Variants in AMACR observed in about 807,000 individuals in gnomAD.
AMACR encodes 2-methylacyl-CoA racemase.
Under a neutral mutation model 22.2 loss-of-function variants are expected in AMACR, and 18 were observed. The observed-to-expected ratio is 0.81, with a 90% CI of 0.56 to 1.20. The LOEUF (loss-of-function observed/expected upper bound fraction) is 1.20, where lower values mean the gene tolerates loss of function less well. AMACR is among the 50% of genes most tolerant of loss of function. The pLI is 0.00. For missense variants in AMACR, 499 were observed against 490.6 expected (o/e 1.02, Z -0.16); for synonymous variants, 213 against 191.3 (o/e 1.11, Z -0.94).
rs1753394786 is a variant in AMACR at position 33,989,216 on chromosome 5, C to T, written c.1026G>A (p.Arg342=). ...CAGTGTGTTCTCCTATGAAAGGATC[C>T]CTTTTGAAAGAAGGGATGGCTGGGG... is the stretch of plus-strand genomic sequence containing the variant. ...LNTPAIPSFK[R]DPFIGEHTEE... The change falls in exon 5 of 5, where the codon AGG becomes AGA. Residue 342 remains arginine, a synonymous_variant. Coordinates refer to ENST00000335606, the MANE Select transcript of AMACR (RefSeq NM_014324.6). 6 of 1,613,980 alleles carry T rather than the reference C, an allele frequency of 3.7e-6. No individual in the cohort carries two copies. Among genetic ancestry groups the T allele is most frequent in the African/African-American group, 2.7e-5 (2 of 74,868 alleles).
chr5:33,994,612 T>C (rs1017692048), intron 4 of AMACR, among the ~76,000 whole-genome samples: 2 of 152,224 alleles, frequency 1.3e-5, no homozygotes, highest in African/African-American at 4.8e-5. Flanking sequence ...CATTTTGGCA[T>C]GGACTAGGTA....
chr5:34,004,606 T>C lies in AMACR; in HGVS notation c.520A>G (p.Thr174Ala). 1.2e-6 allele frequency: 2 copies of C among 1,614,158 alleles called. No homozygotes were observed. The highest frequency in any genetic ancestry group is 8.5e-7 in the Non-Finnish European group (1 of 1,180,020). Residue 174 changes from threonine to alanine, a missense_variant, in exon 3 of 5, where the codon ACT (threonine) becomes GCT (alanine). Thr to Ala is a moderately conservative substitution (Grantham distance 58). Coordinates refer to ENST00000335606, the MANE Select transcript of AMACR (RefSeq NM_014324.6). ...GCATCAATGACCTGACCCTTGCCAG[T>C]GCGTGTGCGGTCAAAAAGAGCCATT... ...IIMALFDRTRTGKGQVIDANM... is the reference protein window; with the variant it reads ...IIMALFDRTRAGKGQVIDANM...
chr5:34,003,905 CT>C (rs1753892749), intron 3 of AMACR, among the ~76,000 whole-genome samples: 1 of 152,212 alleles, frequency 6.6e-6, no homozygotes, highest in African/African-American at 2.4e-5. Flanking sequence ...GGAGTGGGCT[CT>C]CTTACCCACT....
intron 1 of AMACR, among the ~76,000 whole-genome samples, chr5:34,006,567 C>G (rs562517543): frequency 6.6e-6 from 1 of 152,206 alleles, no homozygotes; most frequent in Non-Finnish European, 1.5e-5. Context: ...AACCTCTAGT[C>G]ATCTACCTAA....
chr5:34,006,740 C>T (rs769599509), intron 1 of AMACR, among the ~76,000 whole-genome samples: 9 of 152,362 alleles, frequency 5.9e-5, no homozygotes, highest in Non-Finnish European at 1.3e-4. Context: ...GCCTCAAATA[C>T]AGCTGTGAGG....
At chr5:33,993,099 T>C (rs166179) in intron 4 of AMACR, among the ~76,000 whole-genome samples, 103,967 of 152,090 alleles carry the variant, frequency 0.68, 36,003 homozygotes, top group Non-Finnish European at 0.73. Flanking sequence ...CCCCACAGCC[T>C]CTGGCAAGCA....
chr5:33,998,484 T>C (rs890054237), intron 4 of AMACR, among the ~76,000 whole-genome samples, 157 bp downstream of exon 4: 5 of 152,002 alleles, frequency 3.3e-5, no homozygotes, highest in African/African-American at 9.7e-5. Context: ...TTAAAAGCCA[T>C]GGAAAATGCC....
chr5:33,994,437 C>T (rs1009413878), intron 4 of AMACR, among the ~76,000 whole-genome samples: 2 of 152,138 alleles, frequency 1.3e-5, no homozygotes, highest in African/African-American at 4.8e-5. Flanking sequence ...CCTCGGCCTC[C>T]CAAAGTGCTG....
intron 1 of AMACR, among the ~76,000 whole-genome samples, chr5:34,007,538 G>A (rs1754020886): frequency 6.6e-6 from 1 of 152,186 alleles, no homozygotes; most frequent in Non-Finnish European, 1.5e-5. Context: ...GAGTCAGAGA[G>A]GCAAAAGGAG....
At chr5:33,997,223 C>T (rs1228210860) in intron 4 of AMACR, 19 of 766,658 alleles carry the variant, frequency 2.5e-5, no homozygotes, top group Non-Finnish European at 4.3e-5. Flanking sequence ...GCATTAGCGA[C>T]TAATTCATTA....
In AMACR at chr5:34,005,908, A is replaced by G; in HGVS notation, c.248-9T>C. 6.2e-7 allele frequency: 1 copy of G among 1,614,082 alleles called. No individual in the cohort carries two copies. Among genetic ancestry groups the G allele is most frequent in the African/African-American group, 1.3e-5 (1 of 75,036 alleles). ...GAGTTTCTCCATGACACCTTAAGAG[A>G]AAAGTAACGATCTTCTTAAGAGAGT... On this transcript the variant is annotated splice_polypyrimidine_tract_variant and intron_variant, in intron 1 of 4. Coordinates refer to ENST00000335606, the MANE Select transcript of AMACR (RefSeq NM_014324.6).
At chr5:33,998,602 C>A in intron 4 of AMACR, 39 bp downstream of exon 4, 1 of 1,558,674 alleles carries the variant, frequency 6.4e-7, no homozygotes, top group East Asian at 2.3e-5. Context: ...ACATCCACAG[C>A]AAAAGGGGAA....
At chr5:34,000,063 T>C (rs1160575304) in intron 3 of AMACR, among the ~76,000 whole-genome samples, 1 of 152,244 alleles carries the variant, frequency 6.6e-6, no homozygotes, top group Non-Finnish European at 1.5e-5. Flanking sequence ...TTAACATTTG[T>C]TGCTAGACTT....
chr5:34,003,950 C>T lies in AMACR; in HGVS notation c.552+624G>A, dbSNP rs531016805. Among the ~76,000 whole-genome samples the T allele has an allele frequency of 9.2e-5, 14 of 152,318 alleles. No homozygotes were observed. The South Asian group carries it at 2.7e-3, about 29-fold the overall frequency. ...GATCTTGAGCAAATGGCAATGCTTCCGTTCCCTCCTCTTTAAAACAACAAG... is the reference window on the plus strand; with the variant it reads ...GATCTTGAGCAAATGGCAATGCTTCTGTTCCCTCCTCTTTAAAACAACAAG... On this transcript the variant is annotated intron_variant, in intron 3 of 4. Coordinates refer to ENST00000335606, the MANE Select transcript of AMACR (RefSeq NM_014324.6).
intron 3 of AMACR, among the ~76,000 whole-genome samples, chr5:34,000,266 C>A (rs542612053): frequency 6.6e-6 from 1 of 152,126 alleles, no homozygotes; most frequent in Non-Finnish European, 1.5e-5. Flanking sequence ...CAGAGCCTAA[C>A]GCCGAATCAA....
intron 2 of AMACR, among the ~76,000 whole-genome samples, chr5:34,004,966 A>T (rs1048686981): frequency 6.6e-6 from 1 of 152,148 alleles, no homozygotes; most frequent in African/African-American, 2.4e-5. Context: ...TCCAACCAAC[A>T]TTTTCAAATA....
At position 33,998,831 on chromosome 5, in the gene AMACR, T is replaced by C. The variant is rs746928466; in HGVS notation, c.553-4A>G. 6.2e-7 allele frequency: 1 copy of C among 1,613,790 alleles called. No individual in the cohort carries two copies. The highest frequency in any genetic ancestry group is 8.5e-7 in the Non-Finnish European group (1 of 1,179,734). ...TTAAATATGCTGTTCCTTCCACCTTTGAGAAAACAGAATACAAGACAAATC... is the reference window on the plus strand; with the variant it reads ...TTAAATATGCTGTTCCTTCCACCTTCGAGAAAACAGAATACAAGACAAATC... On this transcript the variant is annotated splice_region_variant and splice_polypyrimidine_tract_variant and intron_variant, in intron 3 of 4. Coordinates refer to ENST00000335606, the MANE Select transcript of AMACR (RefSeq NM_014324.6).
chr5:34,004,647 C>T lies in AMACR; in HGVS notation c.479G>A (p.Cys160Tyr). 6.2e-7 allele frequency: 1 copy of T among 1,614,216 alleles called. No homozygotes were observed. The highest frequency in any genetic ancestry group is 8.5e-7 in the Non-Finnish European group (1 of 1,180,046). The stretch of plus-strand genomic sequence containing the variant: ...AAGAGCCATTATAATGCCCAGTGCA[C>T]ACATAAGGCCACCACCAGCAAAGTC... ...LADFAGGGLM[C>Y]ALGIIMALFD... The change falls in exon 3 of 5, where the codon TGT (cysteine) becomes TAT (tyrosine). Residue 160 changes from cysteine to tyrosine, a missense_variant. Coordinates refer to ENST00000335606, the MANE Select transcript of AMACR (RefSeq NM_014324.6).
chr5:34,002,950 G>A (rs1239193153), intron 3 of AMACR, among the ~76,000 whole-genome samples: 12 of 152,188 alleles, frequency 7.9e-5, no homozygotes, highest in African/African-American at 2.4e-4. Flanking sequence ...AGAAGGAAGC[G>A]CAGGCTGAAG....
Sources: allele counts gnomAD v4.1 joint callset (sites outside exome capture counted in the v4.1 genomes callset), GRCh38; gene constraint gnomAD v4.1.1; transcripts MANE v1.5; gene names NCBI Gene and HGNC (gene_info 2026-07-23, HGNC 2026-07-21).